Variants in BTBD9 observed in about 807,000 individuals in gnomAD.
BTBD9 encodes BTB/POZ domain-containing protein 9.
In BTBD9, 49 loss-of-function variants were observed where a neutral mutation model predicts 64.3. The observed-to-expected ratio is 0.76, with a 90% CI of 0.61 to 0.97. BTBD9 has a LOEUF of 0.97. BTBD9 is among the 50% of genes least tolerant of loss of function. The probability of loss-of-function intolerance (pLI) is 0.00; values close to 1 mark genes in which losing one functional copy is unlikely to be tolerated. For synonymous variants in BTBD9, 260 were observed against 274.7 expected, an observed-to-expected ratio of 0.95 and a Z score of 0.53; for missense variants, 598 against 762.1, an observed-to-expected ratio of 0.78 and a Z score of 2.53.
intron 6 of BTBD9, among the ~76,000 whole-genome samples, chr6:38,478,760 C>T (rs1771004375): frequency 6.6e-6 from 1 of 152,180 alleles, no homozygotes; most frequent in East Asian, 1.9e-4. Context: ...AGGGAAGAAA[C>T]AAATGCCAGA....
At chr6:38,253,961 AC>A (rs1764487646) in intron 9 of BTBD9, among the ~76,000 whole-genome samples, 3 of 149,280 alleles carry the variant, frequency 2.0e-5, no homozygotes, top group Admixed American at 1.3e-4. Context: ...GGAAGTGGCT[AC>A]CCAACCAGGA....
At chr6:38,351,065 A>C (rs1257896764) in intron 6 of BTBD9, among the ~76,000 whole-genome samples, 2 of 152,248 alleles carry the variant, frequency 1.3e-5, no homozygotes, top group Non-Finnish European at 2.9e-5. Flanking sequence ...AGTGGAAAAC[A>C]AGTTTACTGC....
intron 6 of BTBD9, among the ~76,000 whole-genome samples, chr6:38,374,645 T>G (rs960612816): frequency 5.3e-5 from 8 of 151,988 alleles, no homozygotes; most frequent in Non-Finnish European, 1.0e-4. Flanking sequence ...GAAAAAAAGT[T>G]CTGCATACAT....
intron 6 of BTBD9, among the ~76,000 whole-genome samples, chr6:38,535,588 A>G (rs913310509): frequency 6.6e-6 from 1 of 152,126 alleles, no homozygotes; most frequent in Non-Finnish European, 1.5e-5. Flanking sequence ...AGGGAATCAC[A>G]TTACCTGACT....
Position 38,265,758 on chromosome 6 carries a change from G to A in BTBD9, c.1455-9242C>T, listed in dbSNP as rs115977820. 7.0e-3 allele frequency among the ~76,000 whole-genome samples: 1,061 copies of A among 152,218 alleles called. 8 individuals carry two copies. The highest frequency in any genetic ancestry group is 0.023 in the African/African-American group (960 of 41,526). On this transcript the variant is annotated intron_variant, in intron 8 of 10. Coordinates refer to ENST00000481247, the MANE Select transcript of BTBD9 (RefSeq NM_001099272.2). ...AGGTCTCAAACTCCTGGGCTCAAGC[G>A]ACCTGCCTGCCTCAGCCTCCCACAG...
intron 1 of BTBD9, among the ~76,000 whole-genome samples, chr6:38,600,530 C>T (rs1777203345): frequency 6.6e-6 from 1 of 152,076 alleles, no homozygotes; most frequent in Non-Finnish European, 1.5e-5. Flanking sequence ...TTCAAAACCT[C>T]TTCAATACAA....
chr6:38,389,719 A>G (rs754555268), intron 6 of BTBD9, among the ~76,000 whole-genome samples: 1 of 152,220 alleles, frequency 6.6e-6, no homozygotes, highest in Non-Finnish European at 1.5e-5. Context: ...AATATTGAAT[A>G]AAAAAATCAG....
intron 6 of BTBD9, among the ~76,000 whole-genome samples, chr6:38,486,994 A>C (rs1399175908): frequency 6.6e-6 from 1 of 152,258 alleles, no homozygotes; most frequent in Non-Finnish European, 1.5e-5. Context: ...TCTGTGCTTA[A>C]CACTTATGTT....
chr6:38,609,211 A>C (rs62396373), intron 1 of BTBD9, among the ~76,000 whole-genome samples: 1 of 152,194 alleles, frequency 6.6e-6, no homozygotes, highest in South Asian at 2.1e-4. Flanking sequence ...CAAAACAAAC[A>C]AACAAAAAAC....
chr6:38,512,326 A>G (rs757429651), intron 6 of BTBD9, among the ~76,000 whole-genome samples: 6 of 152,198 alleles, frequency 3.9e-5, no homozygotes, highest in Admixed American at 3.9e-4. Context: ...CACTCATTTG[A>G]TCAGATAATT....
intron 7 of BTBD9, among the ~76,000 whole-genome samples, chr6:38,331,891 T>C (rs556426016): frequency 1.3e-5 from 2 of 152,224 alleles, no homozygotes; most frequent in African/African-American, 2.4e-5. Context: ...TTTACTTATG[T>C]ACTTCTGTAT....
chr6:38,371,065 C>T (rs1039834246), intron 6 of BTBD9, among the ~76,000 whole-genome samples: 2 of 152,076 alleles, frequency 1.3e-5, no homozygotes, highest in Non-Finnish European at 2.9e-5. Flanking sequence ...GCAACAGAAC[C>T]ATGTTTATCA....
At chr6:38,245,267 A>C (rs567833565) in intron 9 of BTBD9, among the ~76,000 whole-genome samples, 116 of 152,370 alleles carry the variant, frequency 7.6e-4, no homozygotes, top group African/African-American at 2.6e-3. Context: ...GGCTGTGAAA[A>C]AAAGTAGCTT....
chr6:38,276,300 G>C (rs1761238937), intron 8 of BTBD9, among the ~76,000 whole-genome samples: 1 of 149,740 alleles, frequency 6.7e-6, no homozygotes. Flanking sequence ...ATTGAACAAT[G>C]GAACACATGG....
At chr6:38,193,530 G>T (rs1762170273) in intron 9 of BTBD9, among the ~76,000 whole-genome samples, 1 of 152,220 alleles carries the variant, frequency 6.6e-6, no homozygotes, top group South Asian at 2.1e-4. Flanking sequence ...GGCCAGGCCA[G>T]CTCATTTAAG....
At chr6:38,580,132 T>C (rs1003452342) in intron 5 of BTBD9, 86 bp downstream of exon 5, 8 of 1,265,492 alleles carry the variant, frequency 6.3e-6, no homozygotes, top group African/African-American at 3.0e-5. Flanking sequence ...AAATAAACCA[T>C]CATATCTGTA....
intron 6 of BTBD9, among the ~76,000 whole-genome samples, chr6:38,530,315 C>G (rs982388996): frequency 2.6e-4 from 40 of 152,178 alleles, no homozygotes; most frequent in African/African-American, 8.0e-4. Context: ...ATCCTGTTCC[C>G]TCAGAAGCAT....
intron 6 of BTBD9, among the ~76,000 whole-genome samples, chr6:38,442,516 C>T (rs564461626): frequency 1.6e-4 from 24 of 151,948 alleles, no homozygotes; most frequent in African/African-American, 5.1e-4. Context: ...AACAGAAGTA[C>T]TAAGTACATG....
rs75329178 is a variant in BTBD9 at position 38,363,480 on chromosome 6, G to A, written c.1155-18387C>T. Reference sequence around the variant, plus strand: ...TGTAGTCTCAGATACTCTGGAGGCTGGGGCAGAAGGATGGCTTGAGCCTAG... The same window carrying A: ...TGTAGTCTCAGATACTCTGGAGGCTAGGGCAGAAGGATGGCTTGAGCCTAG... On this transcript the variant is annotated intron_variant, in intron 6 of 10. Transcript: ENST00000481247. Among the ~76,000 whole-genome samples the A allele has an allele frequency of 1.3e-3, 202 of 152,354 alleles. 1 individual carries two copies. The highest frequency in any genetic ancestry group is 4.5e-3 in the African/African-American group (188 of 41,572).
Sources: gnomAD v4.1 joint callset for allele counts (sites outside exome capture counted in the v4.1 genomes callset) on GRCh38, gnomAD v4.1.1 for gene constraint, MANE v1.5 for transcripts, NCBI Gene and HGNC (gene_info 2026-07-23, HGNC 2026-07-21) for gene names.